DNAH10: variants seen among roughly 807,000 people sequenced by gnomAD.
The protein encoded by DNAH10 is axonemal beta dynein heavy chain 10.
In DNAH10, 348 loss-of-function variants were observed where a neutral mutation model predicts 506.6. The ratio of observed to expected loss-of-function variants is 0.69; its 90% CI spans 0.63 to 0.75. The LOEUF (loss-of-function observed/expected upper bound fraction) is 0.75. Ranked by LOEUF, DNAH10 falls within the 30% of genes least tolerant of loss-of-function variation. The pLI is 0.00. For missense variants in DNAH10, 5,179 were observed against 5,787.1 expected (o/e 0.89, Z 3.41); for synonymous variants, 2,059 against 2,198.6 (o/e 0.94, Z 1.78).
chr12:123,931,995 CTTTT>C lies in DNAH10; in HGVS notation c.13185_13188del (p.Phe4396SerfsTer16). 1 of 1,614,040 alleles carries C rather than the reference CTTTT, an allele frequency of 6.2e-7. No homozygotes were observed. Among genetic ancestry groups the C allele is most frequent in the South Asian group, 1.1e-5 (1 of 91,084 alleles). On this transcript the variant is annotated frameshift_variant, in exon 76 of 79. Transcript: ENST00000673944. LOFTEE classifies it high-confidence loss of function. ...TGAGTTAGATGATGTGGCCAGGTCT[CTTTT>C]TATCGGGCATATCCCTAATATCTGG...
intron 49 of DNAH10, 110 bp downstream of exon 49, chr12:123,879,467 G>A (rs916070021): frequency 1.4e-6 from 2 of 1,448,512 alleles, no homozygotes; most frequent in Admixed American, 2.1e-5. Flanking sequence ...GGCACGAAAG[G>A]TCAATGGGGC....
At position 123,928,834 on chromosome 12, in the gene DNAH10, G is replaced by C. The variant is rs908901098; in HGVS notation, c.12306+247G>C. 3.7e-6 allele frequency: 2 copies of C among 541,152 alleles called. No individual in the cohort carries two copies. Among genetic ancestry groups the C allele is most frequent in the Non-Finnish European group, 6.4e-6 (2 of 311,820 alleles). The allele number at this position is 541,152 out of a possible 1,614,324, so 33.5% of individuals were successfully genotyped here. ...TGCATGTGTCCCTAACAATATCTAC[G>C]CTACTTTTCATAAACTTCACGGCCC... On this transcript the variant is annotated intron_variant, in intron 70 of 78. Coordinates refer to ENST00000673944, the MANE Select transcript of DNAH10 (RefSeq NM_001372106.1). This position sits in a 1 kb window ranked among gnomAD's most constrained non-coding sequence, Gnocchi z 4.9.
Position 123,903,187 on chromosome 12 carries a change from C to T in DNAH10, c.9815+74C>T. ...CCAGTAGTCTCCATGATCGTGGCAA[C>T]CAGGAGCTTACAAAGGAGCCGATGC... On this transcript the variant is annotated intron_variant, in intron 57 of 78. Transcript: ENST00000673944. The surrounding 1 kb of genome is among the most constrained non-coding windows in gnomAD (Gnocchi z 4.6). 6.7e-7 allele frequency: 1 copy of T among 1,483,012 alleles called. No individual in the cohort carries two copies. 91.9% of individuals were successfully genotyped at this position (1,483,012 alleles called of 1,614,324 possible).
In DNAH10 at chr12:123,846,365, T is replaced by C. The variant is rs567272613; in HGVS notation, c.5814+211T>C. On this transcript the variant is annotated intron_variant, in intron 32 of 78. Transcript: ENST00000673944. This position sits in a 1 kb window ranked among gnomAD's most constrained non-coding sequence, Gnocchi z 4.5. ...CCGTGCTTAGCCACTGGTACACTGG[T>C]CCCTAGGTAATGGTGTGTCAGGGGT... Among the ~76,000 whole-genome samples, 6 of 152,322 alleles carry C rather than the reference T, an allele frequency of 3.9e-5. No individual in the cohort carries two copies. The South Asian group carries it at 1.2e-3, about 32-fold the overall frequency.
Position 123,853,267 on chromosome 12 carries a change from A to G in DNAH10, c.6353A>G (p.Tyr2118Cys). The G allele has an allele frequency of 4.3e-6, 7 of 1,611,538 alleles. No homozygotes were observed. The highest frequency in any genetic ancestry group is 5.9e-6 in the Non-Finnish European group (7 of 1,178,850). ...GCCCGGGAGCAGCTGTCCAAGCAGTATCACTATGATTTTGGACTCAGAGCC... is the reference window on the plus strand; with the variant it reads ...GCCCGGGAGCAGCTGTCCAAGCAGTGTCACTATGATTTTGGACTCAGAGCC... ...KLAREQLSKQ[Y>C]HYDFGLRALK... The change falls in exon 36 of 79, where the codon TAT (tyrosine) becomes TGT (cysteine). Residue 2118 changes from tyrosine to cysteine, a missense_variant. Tyr to Cys is a radical substitution (Grantham distance 194). Coordinates refer to ENST00000673944, the MANE Select transcript of DNAH10 (RefSeq NM_001372106.1). The surrounding 1 kb of genome is among the most constrained non-coding windows in gnomAD (Gnocchi z 4.7).
intron 28 of DNAH10, 87 bp from the exon 29 acceptor site, chr12:123,838,369 C>T (rs1380491877): frequency 8.2e-7 from 1 of 1,221,134 alleles, no homozygotes; most frequent in Non-Finnish European, 1.2e-6. Flanking sequence ...TGCCTGGGCT[C>T]TGGTGAGTGC....
At position 123,893,245 on chromosome 12, in the gene DNAH10, C is replaced by G. The variant is rs201720388; in HGVS notation, c.9008C>G (p.Ala3003Gly). 4 of 1,613,882 alleles carry G rather than the reference C, an allele frequency of 2.5e-6. No homozygotes were observed. The highest frequency in any genetic ancestry group is 2.2e-5 in the East Asian group (1 of 44,890). ...CTTCCTTTTCCAGGAATTGTACCTG[C>G]GCTTTTTTCTGAAGAGGAGAAAGAG... ...NNMLTSGIVP[A>G]LFSEEEKESI... is the part of the protein sequence containing the mutation. Residue 3003 changes from alanine to glycine, a missense_variant, in exon 53 of 79, where the codon GCG (alanine) becomes GGG (glycine). Physicochemically the swap from Ala to Gly is moderately conservative, Grantham distance 60. This residue lies in a region of DNAH10 where 4,844 missense variants were observed against 5,430.5 expected (regional missense o/e 0.89). Transcript: ENST00000673944.
intron 26 of DNAH10, among the ~76,000 whole-genome samples, chr12:123,832,076 A>C (rs1960614242): frequency 6.6e-6 from 1 of 152,208 alleles, no homozygotes; most frequent in African/African-American, 2.4e-5. Context: ...ATATGCATGC[A>C]AACACACAAA....
In DNAH10 at chr12:123,762,417, C is replaced by A; in HGVS notation, c.81C>A (p.Asp27Glu). 1 of 1,413,582 alleles carries A rather than the reference C, an allele frequency of 7.1e-7. No homozygotes were observed. The highest frequency in any genetic ancestry group is 2.9e-5 in the East Asian group (1 of 34,962). 87.6% of individuals were successfully genotyped at this position (1,413,582 alleles called of 1,614,324 possible). ...FGITDPQLFE[D>E]LLNRDDGQGE... The stretch of plus-strand genomic sequence containing the variant: ...TCACCGACCCCCAGCTTTTCGAGGA[C>A]CTGCTCAACCGCGACGACGGCCAGG... The change falls in exon 1 of 79, where the codon GAC (aspartate) becomes GAA (glutamate). Residue 27 changes from aspartate (D) to glutamate (E), a missense_variant. Asp to Glu is a conservative substitution (Grantham distance 45, BLOSUM62 2). Transcript: ENST00000673944. This position sits in a 1 kb window ranked among gnomAD's most constrained non-coding sequence, Gnocchi z 5.0.
At chr12:123,894,381 T>G (rs1953126850) in intron 53 of DNAH10, among the ~76,000 whole-genome samples, 1 of 152,080 alleles carries the variant, frequency 6.6e-6, no homozygotes, top group Non-Finnish European at 1.5e-5. Flanking sequence ...CTCAGCCTCC[T>G]GAGTAGCTGG....
chr12:123,866,118 G>A (rs1419386802), intron 41 of DNAH10, 45 bp downstream of exon 41: 1 of 1,505,438 alleles, frequency 6.6e-7, no homozygotes. Flanking sequence ...TAGTATTGAT[G>A]GCTAGTTGGA....
At chr12:123,797,124 G>A (rs1345570311) in intron 13 of DNAH10, among the ~76,000 whole-genome samples, 3 of 152,172 alleles carry the variant, frequency 2.0e-5, no homozygotes, top group Admixed American at 6.5e-5. Context: ...GCCCACCTGG[G>A]CCTCCCAAAG....
At chr12:123,933,182 T>C in intron 76 of DNAH10, 149 bp from the exon 77 acceptor site, 1 of 641,720 alleles carries the variant, frequency 1.6e-6, no homozygotes, top group Non-Finnish European at 2.4e-6. Context: ...AGATTGTTTT[T>C]CTCAGACAGG....
intron 1 of DNAH10, among the ~76,000 whole-genome samples, chr12:123,765,559 ATACTTTATC>A (rs1205252798): frequency 9.8e-4 from 71 of 72,310 alleles, no homozygotes; most frequent in African/African-American, 5.5e-3. Flanking sequence ...GCATCTATCT[ATACTTTATC>A]TATCTATCTA....
In DNAH10 at chr12:123,917,617, G is replaced by C; in HGVS notation, c.11036G>C (p.Ser3679Thr). The C allele has an allele frequency of 6.4e-7, 1 of 1,551,634 alleles. No homozygotes were observed. The highest frequency in any genetic ancestry group is 8.7e-7 in the Non-Finnish European group (1 of 1,147,038). ...TLKGLEDQLL[S>T]VLVAYERREL... Reference sequence around the variant, plus strand: ...AAGGGCCTGGAGGACCAGCTGCTGAGCGTGCTGGTGGCTTACGAGAGGCGG... The same window carrying C: ...AAGGGCCTGGAGGACCAGCTGCTGACCGTGCTGGTGGCTTACGAGAGGCGG... Residue 3679 changes from serine (S) to threonine (T), a missense_variant, in exon 64 of 79, where the codon AGC (serine) becomes ACC (threonine). This residue lies in a region of DNAH10 where 4,844 missense variants were observed against 5,430.5 expected (regional missense o/e 0.89). Transcript: ENST00000673944. This position sits in a 1 kb window ranked among gnomAD's most constrained non-coding sequence, Gnocchi z 5.6.
Position 123,866,081 on chromosome 12 carries a change from T to A in DNAH10, c.7167+8T>A. 1 of 1,593,486 alleles carries A rather than the reference T, an allele frequency of 6.3e-7. No individual in the cohort carries two copies. Among genetic ancestry groups the A allele is most frequent in the Non-Finnish European group, 8.5e-7 (1 of 1,170,922 alleles). On this transcript the variant is annotated splice_region_variant and intron_variant, in intron 41 of 78. Coordinates refer to ENST00000673944, the MANE Select transcript of DNAH10 (RefSeq NM_001372106.1). ...AATCAAATACCAAACAAGGTGAAAT[T>A]TTTTTCTAAAATGAACTTAAATTTA...
chr12:123,916,303 T>C lies in DNAH10; in HGVS notation c.10723-154T>C, dbSNP rs1222786658. On this transcript the variant is annotated intron_variant, in intron 62 of 78. Coordinates refer to ENST00000673944, the MANE Select transcript of DNAH10 (RefSeq NM_001372106.1). This position sits in a 1 kb window ranked among gnomAD's most constrained non-coding sequence, Gnocchi z 4.6. Reference sequence around the variant, plus strand: ...CTGAGCCTGGACCTCATGGTGTATATGCGTTATACCCCTTGCTTCTCTCTT... The same window carrying C: ...CTGAGCCTGGACCTCATGGTGTATACGCGTTATACCCCTTGCTTCTCTCTT... 3.9e-5 allele frequency among the ~76,000 whole-genome samples: 6 copies of C among 152,176 alleles called. No homozygotes were observed. The highest frequency in any genetic ancestry group is 8.8e-5 in the Non-Finnish European group (6 of 68,028).
chr12:123,777,089 A>G (rs993604407), intron 5 of DNAH10, among the ~76,000 whole-genome samples: 1 of 152,208 alleles, frequency 6.6e-6, no homozygotes, highest in Non-Finnish European at 1.5e-5. Context: ...AACCAACACA[A>G]TATCCTCTTT....
intron 52 of DNAH10, among the ~76,000 whole-genome samples, chr12:123,891,882 C>G (rs917293583): frequency 2.0e-5 from 3 of 152,176 alleles, no homozygotes; most frequent in Non-Finnish European, 2.9e-5. Context: ...AGACCAGTCT[C>G]AAGTCTCAGA....
Sources: allele counts gnomAD v4.1 joint callset (sites outside exome capture counted in the v4.1 genomes callset), GRCh38; gene constraint gnomAD v4.1.1; regional missense constraint gnomAD v4.1.1; non-coding constraint Gnocchi (gnomAD v3.1); transcripts MANE v1.5; gene names NCBI Gene and HGNC (gene_info 2026-07-23, HGNC 2026-07-21).